The following DGKI variants were observed in gnomAD, a reference collection of about 807,000 sequenced individuals.
The protein encoded by DGKI is DAG kinase iota.
In DGKI, 55 loss-of-function variants were observed where a neutral mutation model predicts 147.5. That is an observed-to-expected ratio of 0.37 (90% CI 0.30 to 0.47). The LOEUF (loss-of-function observed/expected upper bound fraction) is 0.47, where lower values mean the gene tolerates loss of function less well. Ranked by LOEUF, DGKI falls within the 20% of genes least tolerant of loss-of-function variation. The pLI is 1.00. For synonymous variants in DGKI, 469 were observed against 477.1 expected (o/e 0.98, Z 0.22); for missense variants, 1,007 against 1,323.8 (o/e 0.76, Z 3.71).
chr7:137,663,161 A>G (rs1822505233), intron 3 of DGKI, among the ~76,000 whole-genome samples: 1 of 152,216 alleles, frequency 6.6e-6, no homozygotes, highest in African/African-American at 2.4e-5. Flanking sequence ...AACCATCACT[A>G]TGTGTATAAG....
chr7:137,441,399 C>T (rs367789753), intron 28 of DGKI, among the ~76,000 whole-genome samples: 21 of 123,544 alleles, frequency 1.7e-4, no homozygotes, highest in Middle Eastern at 6.3e-3. Context: ...CCAGCCTGGG[C>T]GACAGAGTGA....
intron 28 of DGKI, among the ~76,000 whole-genome samples, chr7:137,434,844 G>GTT (rs1813221757): frequency 6.6e-6 from 1 of 152,128 alleles, no homozygotes; most frequent in Non-Finnish European, 1.5e-5. Flanking sequence ...GTTTTGTTCT[G>GTT]TTTTTTAATC....
At chr7:137,429,557 T>C (rs1812974998) in intron 28 of DGKI, among the ~76,000 whole-genome samples, 1 of 151,418 alleles carries the variant, frequency 6.6e-6, no homozygotes. Context: ...ACAAATGGGA[T>C]CTAATTAAAC....
At chr7:137,728,633 C>T (rs1352456171) in intron 1 of DGKI, among the ~76,000 whole-genome samples, 1 of 152,106 alleles carries the variant, frequency 6.6e-6, no homozygotes, top group African/African-American at 2.4e-5. Context: ...CCAGTGAAAC[C>T]TAACTATCCT....
At chr7:137,759,755 G>A (rs915271986) in intron 1 of DGKI, among the ~76,000 whole-genome samples, 1 of 152,154 alleles carries the variant, frequency 6.6e-6, no homozygotes, top group Non-Finnish European at 1.5e-5. Context: ...TAGGCTGGGT[G>A]AAGAGTTTAC....
intron 27 of DGKI, among the ~76,000 whole-genome samples, chr7:137,460,938 T>C (rs1814417646): frequency 6.6e-6 from 1 of 152,218 alleles, no homozygotes. Flanking sequence ...ATTTAGCAAT[T>C]TTAAACTGAA....
In DGKI at chr7:137,846,881, G is replaced by T; in HGVS notation, c.-19C>A. 8.7e-7 allele frequency: 1 copy of T among 1,153,248 alleles called. No individual in the cohort carries two copies. Among genetic ancestry groups the T allele is most frequent in the Non-Finnish European group, 1.1e-6 (1 of 936,416 alleles). 71.4% of individuals were successfully genotyped at this position (1,153,248 alleles called of 1,614,324 possible). On this transcript the variant is annotated 5_prime_UTR_variant, in exon 1 of 33. Transcript: ENST00000614521. This position sits in a 1 kb window ranked among gnomAD's most constrained non-coding sequence, Gnocchi z 4.0. ...CATCCATCCGCGGCTGCACCGCACCGGGGCATTGTGGGAAACTCCGCTCAC... is the reference window on the plus strand; with the variant it reads ...CATCCATCCGCGGCTGCACCGCACCTGGGCATTGTGGGAAACTCCGCTCAC...
intron 20 of DGKI, chr7:137,545,856 G>C (rs918744474): frequency 1.4e-6 from 1 of 693,752 alleles, no homozygotes; most frequent in Admixed American, 2.0e-5. Flanking sequence ...CTGAGGAGAC[G>C]AGGCTGGGGA....
chr7:137,666,424 CA>C (rs1242647592), intron 3 of DGKI, among the ~76,000 whole-genome samples: 1 of 152,116 alleles, frequency 6.6e-6, no homozygotes, highest in South Asian at 2.1e-4. Context: ...CACAAACAAA[CA>C]AAAAAACAGA....
chr7:137,409,886 G>GTCTC lies in DGKI; in HGVS notation c.2800-1895_2800-1892dup, dbSNP rs150607069. Among the ~76,000 whole-genome samples the GTCTC allele has an allele frequency of 2.7e-3, 401 of 149,572 alleles. 1 individual carries two copies. The highest frequency in any genetic ancestry group is 9.2e-3 in the African/African-American group (378 of 40,958). ...CTAGTCTCTATCTCTCGCTCTCTTT[G>GTCTC]TCTCTCTCTCTCTCTCTCTTTCTCT... On this transcript the variant is annotated intron_variant, in intron 29 of 32. Coordinates refer to ENST00000614521, the MANE Select transcript of DGKI (RefSeq NM_001321708.2).
intron 30 of DGKI, among the ~76,000 whole-genome samples, chr7:137,398,732 A>G (rs1811642926): frequency 6.6e-6 from 1 of 151,790 alleles, no homozygotes; most frequent in African/African-American, 2.4e-5. Context: ...CCTGCTATTC[A>G]CTGGGACCAG....
At chr7:137,642,569 T>G (rs556481192) in intron 6 of DGKI, among the ~76,000 whole-genome samples, 2 of 152,306 alleles carry the variant, frequency 1.3e-5, no homozygotes, top group East Asian at 3.9e-4. Flanking sequence ...CTGACTCTTA[T>G]GTAATCAAGG....
At chr7:137,573,994 C>A (rs1398701638) in intron 17 of DGKI, among the ~76,000 whole-genome samples, 2 of 152,178 alleles carry the variant, frequency 1.3e-5, no homozygotes, top group Non-Finnish European at 2.9e-5. Flanking sequence ...TTCCTTATAC[C>A]CTTATCACAG....
intron 19 of DGKI, among the ~76,000 whole-genome samples, chr7:137,560,393 T>G (rs931443227): frequency 2.0e-5 from 3 of 152,154 alleles, no homozygotes. Flanking sequence ...ATAAAATACA[T>G]GAATAAAAAT....
intron 23 of DGKI, among the ~76,000 whole-genome samples, chr7:137,475,190 T>C (rs1325745529): frequency 6.6e-6 from 1 of 152,142 alleles, no homozygotes; most frequent in Non-Finnish European, 1.5e-5. Flanking sequence ...ATAAATACAT[T>C]TGCACTCAGA....
intron 1 of DGKI, among the ~76,000 whole-genome samples, chr7:137,828,954 G>A (rs192374141): frequency 1.3e-4 from 20 of 152,312 alleles, no homozygotes; most frequent in Middle Eastern, 6.8e-3. Context: ...CACATTCTAA[G>A]TTCATATCCT....
intron 1 of DGKI, among the ~76,000 whole-genome samples, chr7:137,758,306 T>C (rs951895029): frequency 1.3e-5 from 2 of 152,196 alleles, no homozygotes; most frequent in Admixed American, 6.5e-5. Flanking sequence ...TCCATTTCTG[T>C]AGGCAACGAA....
chr7:137,715,452 G>C (rs892423069), intron 1 of DGKI, among the ~76,000 whole-genome samples: 1 of 152,144 alleles, frequency 6.6e-6, no homozygotes, highest in Non-Finnish European at 1.5e-5. Context: ...GGTGGAGCAG[G>C]GTGGAAAGTT....
intron 10 of DGKI, among the ~76,000 whole-genome samples, chr7:137,601,471 T>C (rs1038008193): frequency 6.6e-6 from 1 of 152,232 alleles, no homozygotes; most frequent in Non-Finnish European, 1.5e-5. Context: ...TAGGTTTGTA[T>C]ATCTAATAAG....
Sources: gnomAD v4.1 joint callset for allele counts (sites outside exome capture counted in the v4.1 genomes callset) on GRCh38, gnomAD v4.1.1 for gene constraint, Gnocchi (gnomAD v3.1) non-coding constraint, MANE v1.5 for transcripts, NCBI Gene and HGNC (gene_info 2026-07-23, HGNC 2026-07-21) for gene names.